Variants in CD99 observed in about 807,000 individuals in gnomAD.
CD99 encodes CD99 molecule (Xg blood group), also known as CD99 antigen.
Under a neutral mutation model 28.4 loss-of-function variants are expected in CD99, and 19 were observed. That is an observed-to-expected ratio of 0.67 (90% CI 0.47 to 0.98). CD99 has a LOEUF of 0.98. Ranked by LOEUF, CD99 falls within the 50% of genes least tolerant of loss-of-function variation. The probability of loss-of-function intolerance (pLI) is 0.00; values close to 1 mark genes in which losing one functional copy is unlikely to be tolerated. For missense variants in CD99, 283 were observed against 248.8 expected (o/e 1.14, Z -0.92); for synonymous variants, 103 against 92.1 (o/e 1.12, Z -0.67).
intron 1 of CD99, among the ~76,000 whole-genome samples, chrX:2,706,920 A>G (rs2048147570): frequency 6.6e-6 from 1 of 151,670 alleles, no homozygotes; most frequent in Admixed American, 6.6e-5. Context: ...TCCCGGGTTC[A>G]AGCGATTCTC....
intron 1 of CD99, among the ~76,000 whole-genome samples, chrX:2,710,431 A>G (rs1056448893): frequency 1.3e-5 from 2 of 151,756 alleles, no homozygotes; most frequent in African/African-American, 4.8e-5. Context: ...GTCTATGATC[A>G]TCTTCTGTTT....
At chrX:2,722,745 T>A in intron 6 of CD99, 71 bp downstream of exon 6, 1 of 1,424,204 alleles carries the variant, frequency 7.0e-7, no homozygotes, top group Non-Finnish European at 9.9e-7. Context: ...GTAGAATCAC[T>A]ACAGGGTCTA....
Position 2,741,030 on chromosome X carries a change from C to T in CD99, c.*226C>T. The T allele has an allele frequency of 3.4e-6, 2 of 596,420 alleles. No homozygotes were observed. The highest frequency in any genetic ancestry group is 6.0e-6 in the Non-Finnish European group (2 of 332,108). 36.9% of individuals were successfully genotyped at this position (596,420 alleles called of 1,614,324 possible). On this transcript the variant is annotated 3_prime_UTR_variant, in exon 10 of 10. Coordinates refer to ENST00000381192, the MANE Select transcript of CD99 (RefSeq NM_002414.5). ...GGATAGGCACTTGGACCCCCATTCT[C>T]CAAGGCCCGGGGGGGCGGTTTCCCA... is the stretch of plus-strand genomic sequence containing the variant.
Position 2,740,438 on chromosome X carries a change from C to A in CD99, c.533-341C>A, listed in dbSNP as rs1432496603. Among the ~76,000 whole-genome samples the A allele has an allele frequency of 5.3e-5, 8 of 152,066 alleles. No individual in the cohort carries two copies. The East Asian group carries it at 1.5e-3, about 29-fold the overall frequency. On this transcript the variant is annotated intron_variant, in intron 9 of 9. Coordinates refer to ENST00000381192, the MANE Select transcript of CD99 (RefSeq NM_002414.5). The stretch of plus-strand genomic sequence containing the variant: ...AGAAAATCTCAGCCCAGCATCATTG[C>A]AAATCAATAAAAACTGCACACTCTC...
intron 1 of CD99, among the ~76,000 whole-genome samples, chrX:2,709,729 C>CGCACATGCATGTACATAGACAT (rs2048311565): frequency 2.0e-5 from 3 of 152,194 alleles, no homozygotes; most frequent in South Asian, 2.1e-4. Flanking sequence ...TACATAGACA[C>CGCACATGCATGTACATAGACAT]GCACATGCAT....
At chrX:2,700,586 G>A (rs1203569859) in intron 1 of CD99, among the ~76,000 whole-genome samples, 12 of 139,232 alleles carry the variant, frequency 8.6e-5, no homozygotes, top group Non-Finnish European at 1.4e-4. Flanking sequence ...CCATCCATCC[G>A]TCGTCCCATT....
chrX:2,708,081 G>A (rs767825094), intron 1 of CD99, among the ~76,000 whole-genome samples: 1 of 152,114 alleles, frequency 6.6e-6, no homozygotes, highest in Non-Finnish European at 1.5e-5. Context: ...CCAATAGCAC[G>A]TGCATTTGCA....
Position 2,723,363 on chromosome X carries a change from G to C in CD99, c.360G>C (p.Glu120Asp), listed in dbSNP as rs375663840. 1.8e-5 allele frequency: 29 copies of C among 1,613,836 alleles called. No homozygotes were observed. Among genetic ancestry groups the C allele is most frequent in the Non-Finnish European group, 2.4e-5 (28 of 1,179,860 alleles). Residue 120 changes from glutamate to aspartate, a missense_variant and splice_region_variant, in exon 7 of 10, where the codon GAG becomes GAC. Glu to Asp is a conservative substitution (Grantham distance 45, BLOSUM62 2). Transcript: ENST00000381192. ...GGGSHRKEGE[E>D]ADAPGVIPGI... Reference sequence around the variant, plus strand: ...GCAGCCACAGGAAAGAAGGGGAAGAGGGTAGGTGCACCTGGCTTCTGTCTT... The same window carrying C: ...GCAGCCACAGGAAAGAAGGGGAAGACGGTAGGTGCACCTGGCTTCTGTCTT...
intron 1 of CD99, among the ~76,000 whole-genome samples, chrX:2,711,620 A>G (rs1004074706): frequency 6.6e-6 from 1 of 152,174 alleles, no homozygotes; most frequent in Non-Finnish European, 1.5e-5. Flanking sequence ...ACATTCACTA[A>G]AAGCCATTCA....
chrX:2,709,430 A>G (rs1353868259), intron 1 of CD99, among the ~76,000 whole-genome samples: 1 of 152,234 alleles, frequency 6.6e-6, no homozygotes, highest in African/African-American at 2.4e-5. Flanking sequence ...ACATGAACAA[A>G]TGCACATATA....
chrX:2,691,468 C>T (rs1180534272), intron 1 of CD99, 41 bp downstream of exon 1: 2 of 1,554,456 alleles, frequency 1.3e-6, no homozygotes, highest in South Asian at 1.2e-5. Context: ...ACGCGGAGGG[C>T]GCGGGCCGGG....
At chrX:2,727,029 C>T (rs1289229109) in intron 8 of CD99, among the ~76,000 whole-genome samples, 1 of 152,102 alleles carries the variant, frequency 6.6e-6, no homozygotes, top group African/African-American at 2.4e-5. Flanking sequence ...CCCAGCTACT[C>T]GGAAGGCTGA....
At chrX:2,719,751 T>C in intron 4 of CD99, 46 bp downstream of exon 4, 1 of 1,554,096 alleles carries the variant, frequency 6.4e-7, no homozygotes, top group Admixed American at 1.7e-5. Context: ...CTGCTTATTA[T>C]CACCCAATTA....
chrX:2,706,493 C>T (rs1464368407), intron 1 of CD99, among the ~76,000 whole-genome samples: 11 of 152,174 alleles, frequency 7.2e-5, no homozygotes, highest in South Asian at 2.1e-4. Context: ...CTGAAAGTTT[C>T]GTGTTTAGTG....
chrX:2,729,352 G>A (rs1204018290), intron 8 of CD99, among the ~76,000 whole-genome samples: 1 of 152,144 alleles, frequency 6.6e-6, no homozygotes, highest in Non-Finnish European at 1.5e-5. Context: ...ACACTGCTAT[G>A]AAGAACTGCC....
At chrX:2,734,560 A>T (rs1192628101) in intron 8 of CD99, among the ~76,000 whole-genome samples, 1 of 150,352 alleles carries the variant, frequency 6.7e-6, no homozygotes. Flanking sequence ...GCCTGCCTCA[A>T]CCTTCCAAAG....
Position 2,740,863 on chromosome X carries a change from G to C in CD99, c.*59G>C. 18 of 1,590,574 alleles carry C rather than the reference G, an allele frequency of 1.1e-5. No homozygotes were observed. The highest frequency in any genetic ancestry group is 1.6e-5 in the Non-Finnish European group (18 of 1,158,496). ...AGCAGGGTTAGAACAGCTGCCTGAG[G>C]CTCCTCCCTGAAGGACACCTGCCTG... On this transcript the variant is annotated 3_prime_UTR_variant, in exon 10 of 10. Transcript: ENST00000381192.
At chrX:2,691,566 C>A (rs745743847) in intron 1 of CD99, 139 bp downstream of exon 1, 13 of 943,696 alleles carry the variant, frequency 1.4e-5, no homozygotes, top group African/African-American at 3.2e-5. Flanking sequence ...GCGCTGTGCC[C>A]ACGGGGGCCC....
In CD99 at chrX:2,741,056, T is replaced by C. The variant is rs1193310208; in HGVS notation, c.*252T>C. The C allele has an allele frequency of 5.4e-6, 3 of 558,328 alleles. No individual in the cohort carries two copies. The highest frequency in any genetic ancestry group is 9.6e-6 in the Non-Finnish European group (3 of 311,950). 34.6% of individuals were successfully genotyped at this position (558,328 alleles called of 1,614,324 possible). A position where few individuals can be genotyped will look rare whatever the true frequency, so the allele number is the denominator to read the frequency against. On this transcript the variant is annotated 3_prime_UTR_variant, in exon 10 of 10. Coordinates refer to ENST00000381192, the MANE Select transcript of CD99 (RefSeq NM_002414.5). ...CAAGGCCCGGGGGGGCGGTTTCCCA[T>C]GGGATGTGAAAGGCTGGCCATTATT...
Sources: gnomAD v4.1 joint callset for allele counts (sites outside exome capture counted in the v4.1 genomes callset) on GRCh38, gnomAD v4.1.1 for gene constraint, MANE v1.5 for transcripts, NCBI Gene and HGNC (gene_info 2026-07-23, HGNC 2026-07-21) for gene names.